Variants in ASPM observed in about 807,000 individuals in gnomAD.
ASPM encodes assembly factor for spindle microtubules.
A neutral mutation model predicts 366.4 loss-of-function variants in ASPM; 256 were observed. The ratio of observed to expected loss-of-function variants is 0.70; its 90% confidence interval spans 0.63 to 0.77. ASPM has a LOEUF of 0.77. Among genes scored for constraint, ASPM ranks in the 30% least tolerant of loss-of-function variants. ASPM has a pLI of 0.00. For missense variants in ASPM, 4,146 were observed against 4,090.4 expected (o/e 1.01, Z -0.37); for synonymous variants, 1,414 against 1,342.9 (o/e 1.05, Z -1.16).
chr1:197,091,238 G>A (rs923741175), intron 22 of ASPM, among the ~76,000 whole-genome samples, 197 bp from the exon 23 acceptor site: 3 of 151,966 alleles, frequency 2.0e-5, no homozygotes, highest in Non-Finnish European at 4.4e-5. Context: ...CTGTGTGTGT[G>A]TGTGTGTGCA....
chr1:197,110,925 C>A (rs909942309), intron 17 of ASPM, among the ~76,000 whole-genome samples: 5 of 151,936 alleles, frequency 3.3e-5, no homozygotes, highest in African/African-American at 1.2e-4. Context: ...TCACCACATA[C>A]AAAAAATTAA....
intron 17 of ASPM, among the ~76,000 whole-genome samples, chr1:197,107,921 G>A (rs766048922): frequency 6.6e-6 from 1 of 152,078 alleles, no homozygotes; most frequent in Non-Finnish European, 1.5e-5. Context: ...ACAAATAGTT[G>A]TGACCATATT....
intron 17 of ASPM, among the ~76,000 whole-genome samples, chr1:197,116,186 C>T (rs1305049439): frequency 6.6e-6 from 1 of 152,124 alleles, no homozygotes; most frequent in African/African-American, 2.4e-5. Context: ...TTCCTTAAAT[C>T]TCATGAATCA....
intron 5 of ASPM, among the ~76,000 whole-genome samples, chr1:197,134,282 T>C (rs897348554): frequency 6.6e-6 from 1 of 150,604 alleles, no homozygotes; most frequent in Non-Finnish European, 1.5e-5. Flanking sequence ...CATGGTGGCG[T>C]GCACTGGTAG....
In ASPM at chr1:197,092,093, C is replaced by T. The variant is rs755612246; in HGVS notation, c.9295-37G>A. The T allele has an allele frequency of 3.1e-6, 5 of 1,607,000 alleles. 1 individual carries two copies. The South Asian group carries it at 5.5e-5, about 18-fold the overall frequency. On this transcript the variant is annotated intron_variant, in intron 21 of 27. Coordinates refer to ENST00000367409, the MANE Select transcript of ASPM (RefSeq NM_018136.5). Reference sequence around the variant, plus strand: ...AAAACAAAGCATATTCAAGTATCTGCCTCCTAAGTTAATCAATGAGTGTTT... The same window carrying T: ...AAAACAAAGCATATTCAAGTATCTGTCTCCTAAGTTAATCAATGAGTGTTT...
intron 5 of ASPM, among the ~76,000 whole-genome samples, chr1:197,134,436 C>T (rs555932338): frequency 6.6e-6 from 1 of 151,906 alleles, no homozygotes; most frequent in African/African-American, 2.4e-5. Context: ...AAAAAAAATC[C>T]TATACACGCG....
At chr1:197,090,828 A>G in intron 23 of ASPM, 22 bp downstream of exon 23, 2 of 1,601,996 alleles carry the variant, frequency 1.2e-6, no homozygotes, top group South Asian at 2.2e-5. Flanking sequence ...TTTTGAACTA[A>G]AACTATACAA....
intron 3 of ASPM, among the ~76,000 whole-genome samples, chr1:197,141,630 C>T (rs1409152878): frequency 2.0e-5 from 3 of 152,008 alleles, no homozygotes; most frequent in Admixed American, 2.0e-4. Context: ...TTCTTGGAAC[C>T]ATCTCATACT....
intron 17 of ASPM, among the ~76,000 whole-genome samples, chr1:197,112,579 G>C (rs1241170528): frequency 6.6e-6 from 1 of 152,042 alleles, no homozygotes; most frequent in African/African-American, 2.4e-5. Context: ...ATTCTATTCA[G>C]CTACCCCTGT....
chr1:197,128,096 T>C (rs1036045736), intron 10 of ASPM, among the ~76,000 whole-genome samples: 2 of 150,988 alleles, frequency 1.3e-5, no homozygotes, highest in African/African-American at 4.9e-5. Context: ...ACCCAGGAGG[T>C]AGGCTTGCAG....
intron 17 of ASPM, among the ~76,000 whole-genome samples, chr1:197,114,470 C>T (rs576228354): frequency 8.5e-5 from 13 of 152,172 alleles, no homozygotes; most frequent in Non-Finnish European, 1.8e-4. Flanking sequence ...CACTTATTAG[C>T]GTTTTACCCA....
chr1:197,108,736 C>G (rs1454365428), intron 17 of ASPM, among the ~76,000 whole-genome samples: 1 of 151,738 alleles, frequency 6.6e-6, no homozygotes, highest in Non-Finnish European at 1.5e-5. Context: ...TTTAGGAGGC[C>G]AAGGCAGGAG....
In ASPM at chr1:197,102,711, T is replaced by C. The variant is rs773064594; in HGVS notation, c.6540A>G (p.Val2180=). The C allele has an allele frequency of 6.2e-7, 1 of 1,612,732 alleles. No homozygotes were observed. Among genetic ancestry groups the C allele is most frequent in the Middle Eastern group, 1.7e-4 (1 of 6,054 alleles). ...TCTTTCTAAGAGTCCGTCTAACTCT[T>C]ACTCCTCTAAAACTTGCCTGAAGGA... ...VKVLQASFRG[V]RVRRTLRKMQ... is the part of the protein sequence containing the mutation. The change falls in exon 18 of 28, where the codon GTA becomes GTG. Residue 2180 remains valine, a synonymous_variant. Transcript: ENST00000367409.
chr1:197,129,107 A>G (rs1658181235), intron 9 of ASPM, 80 bp downstream of exon 9: 1 of 1,504,920 alleles, frequency 6.6e-7, no homozygotes, highest in Non-Finnish European at 9.1e-7. Flanking sequence ...TTTTTTTTCT[A>G]AAGAGAAAAC....
At chr1:197,144,131 C>G (rs201579419) in intron 1 of ASPM, 31 bp from the exon 2 acceptor site, 1 of 1,490,770 alleles carries the variant, frequency 6.7e-7, no homozygotes, top group African/African-American at 1.4e-5. Flanking sequence ...TATATAATTA[C>G]AATAGTAATT....
chr1:197,121,535 A>C (rs1352075609), intron 16 of ASPM, among the ~76,000 whole-genome samples: 1 of 152,202 alleles, frequency 6.6e-6, no homozygotes, highest in African/African-American at 2.4e-5. Context: ...GTCAAGCCTC[A>C]TACAGCACAG....
Position 197,133,407 on chromosome 1 carries a change from C to A in ASPM, c.2362G>T (p.Glu788Ter). 1 of 1,613,974 alleles carries A rather than the reference C, an allele frequency of 6.2e-7. No homozygotes were observed. The highest frequency in any genetic ancestry group is 2.2e-5 in the East Asian group (1 of 44,850). The change falls in exon 6 of 28, where the codon GAA (glutamate) becomes TAA (stop). Residue 788 changes from glutamate to a stop codon, truncating the protein, a stop_gained. Coordinates refer to ENST00000367409, the MANE Select transcript of ASPM (RefSeq NM_018136.5). LOFTEE classifies it high-confidence loss of function. The part of the protein sequence containing the change: ...MVKAIKKLEI[E>*]IEARRLIVRK... ...ACAATTAACCGCCTAGCTTCAATTT[C>A]AATTTCAAGCTTTTTAATAGCTTTA...
Position 197,129,314 on chromosome 1 carries a change from T to G in ASPM, c.2633A>C (p.His878Pro), listed in dbSNP as rs1658191958. The change falls in exon 9 of 28, where the codon CAT (histidine) becomes CCT (proline). Residue 878 changes from histidine (H) to proline (P), a missense_variant. His to Pro is a moderately conservative substitution (Grantham distance 77). Around this residue, in one of 3 missense-constraint regions of ASPM, gnomAD observed 3,624 missense variants for 3,591.7 expected, o/e 1.01. Transcript: ENST00000367409. ...TGTAAACTTGGACAAAGCTTCTTCA[T>G]GACCTTAAATAAAGTACAAAAAAGC... is the stretch of plus-strand genomic sequence containing the variant. ...PTVPHLYRDG[H>P]EEALSKFTLK... 1 of 1,612,692 alleles carries G rather than the reference T, an allele frequency of 6.2e-7. No individual in the cohort carries two copies. The highest frequency in any genetic ancestry group is 2.2e-5 in the East Asian group (1 of 44,714).
intron 13 of ASPM, among the ~76,000 whole-genome samples, chr1:197,123,756 C>T (rs1245180494): frequency 6.6e-6 from 1 of 152,102 alleles, no homozygotes; most frequent in Non-Finnish European, 1.5e-5. Flanking sequence ...GTTCTTCTTC[C>T]TCTAACTAGT....
Sources: gnomAD v4.1 joint callset for allele counts (sites outside exome capture counted in the v4.1 genomes callset) on GRCh38, gnomAD v4.1.1 for gene constraint, gnomAD v4.1.1 regional missense constraint, MANE v1.5 for transcripts, NCBI Gene and HGNC (gene_info 2026-07-23, HGNC 2026-07-21) for gene names.